The following WDSUB1 variants were observed in gnomAD, a reference collection of about 807,000 sequenced individuals.
The protein encoded by WDSUB1 is WD repeat, SAM and U-box domain-containing protein 1.
WDSUB1 carries 49 observed loss-of-function variants against 53.9 expected under a neutral mutation model. The ratio of observed to expected loss-of-function variants is 0.91; its 90% confidence interval spans 0.72 to 1.15. WDSUB1 has a LOEUF of 1.15. WDSUB1 is among the 50% of genes most tolerant of loss of function. The pLI, the probability that WDSUB1 is intolerant of heterozygous loss-of-function variation, is 0.00. For synonymous variants in WDSUB1, 194 were observed against 200.6 expected (o/e 0.97, Z 0.28); for missense variants, 514 against 562.0 (o/e 0.91, Z 0.86).
chr2:159,274,800 C>T (rs1309370234), intron 4 of WDSUB1, among the ~76,000 whole-genome samples: 2 of 152,124 alleles, frequency 1.3e-5, no homozygotes, highest in Non-Finnish European at 2.9e-5. Flanking sequence ...GACTCAACTG[C>T]AAACAAAGAT....
At chr2:159,238,274 A>G (rs2060541297) in intron 10 of WDSUB1, among the ~76,000 whole-genome samples, 1 of 37,134 alleles carries the variant, frequency 2.7e-5, no homozygotes, top group East Asian at 3.7e-4. Flanking sequence ...TCCCAATTCT[A>G]TCAAGGAATT....
At chr2:159,254,709 C>T (rs534840915) in intron 9 of WDSUB1, among the ~76,000 whole-genome samples, 16 of 152,180 alleles carry the variant, frequency 1.1e-4, no homozygotes, top group African/African-American at 3.1e-4. Context: ...TGATAAGGTA[C>T]CCTTAAGATT....
chr2:159,267,275 C>T (rs2061364131), intron 5 of WDSUB1, among the ~76,000 whole-genome samples: 1 of 150,916 alleles, frequency 6.6e-6, no homozygotes. Context: ...CCATACACAC[C>T]TTCATTAGTA....
rs1292015727 is a variant in WDSUB1 at position 159,258,048 on chromosome 2, T to C, written c.805-63A>G. ...TAAGAGTAAAGTTACTGATGAAGAC[T>C]CATTTGACATAAATGGGTTGTATAC... On this transcript the variant is annotated intron_variant, in intron 6 of 10. Transcript: ENST00000359774. 2.8e-6 allele frequency: 4 copies of C among 1,425,340 alleles called. No individual in the cohort carries two copies. The East Asian group carries it at 9.1e-5, about 32-fold the overall frequency. 88.3% of individuals were successfully genotyped at this position (1,425,340 alleles called of 1,614,324 possible). A position where few individuals can be genotyped will look rare whatever the true frequency, so the allele number is the denominator to read the frequency against.
At chr2:159,248,324 C>T in intron 10 of WDSUB1, 48 bp downstream of exon 10, 3 of 1,584,758 alleles carry the variant, frequency 1.9e-6, no homozygotes, top group Non-Finnish European at 2.6e-6. Context: ...ACTTTTTATT[C>T]ATTTAGCACA....
At chr2:159,263,248 A>G (rs181710108) in intron 5 of WDSUB1, among the ~76,000 whole-genome samples, 334 of 152,364 alleles carry the variant, frequency 2.2e-3, no homozygotes, top group Middle Eastern at 0.01. Context: ...TTATTTCCTG[A>G]GCCCAAGTAT....
rs2060852594 is a variant in WDSUB1, at chr2:159,247,930, T to TATATATATATATATAA, written c.1273+441_1273+442insTTATATATATATATAT. Among the ~76,000 whole-genome samples, 232 of 63,008 alleles carry TATATATATATATATAA rather than the reference T, an allele frequency of 3.7e-3. 10 individuals are homozygous for TATATATATATATATAA. The highest frequency in any genetic ancestry group is 5.9e-3 in the South Asian group (10 of 1,698). 41.3% of individuals were successfully genotyped at this position (63,008 alleles called of 152,430 possible). ...ATATAAATATATATATATATATAAA[T>TATATATATATATATAA]ATATATATATATAAAATTTGGATTC... On this transcript the variant is annotated intron_variant, in intron 10 of 10. Transcript: ENST00000359774.
Position 159,240,849 on chromosome 2 carries a change from T to TA in WDSUB1, c.1274-4660dup, listed in dbSNP as rs35973033. Among the ~76,000 whole-genome samples the TA allele has an allele frequency of 9.9e-5, 15 of 152,062 alleles. 1 individual carries two copies. The highest frequency in any genetic ancestry group is 4.6e-4 in the Admixed American group (7 of 15,270). On this transcript the variant is annotated intron_variant, in intron 10 of 10. Coordinates refer to ENST00000359774, the MANE Select transcript of WDSUB1 (RefSeq NM_001128212.3). ...AGGACAACTATAGTAACTGAAATTTTAAAAAAATCTCATTGGACAGGTAAA... is the reference window on the plus strand; with the variant it reads ...AGGACAACTATAGTAACTGAAATTTTAAAAAAAATCTCATTGGACAGGTAAA...
At chr2:159,277,070 AT>A (rs1378175078) in intron 3 of WDSUB1, among the ~76,000 whole-genome samples, 1 of 152,198 alleles carries the variant, frequency 6.6e-6, no homozygotes, top group Non-Finnish European at 1.5e-5. Context: ...AGTATATAAA[AT>A]TTAACAAACG....
At chr2:159,283,793 G>A (rs1277392836) in intron 1 of WDSUB1, among the ~76,000 whole-genome samples, 1 of 152,130 alleles carries the variant, frequency 6.6e-6, no homozygotes, top group African/African-American at 2.4e-5. Flanking sequence ...CTCGGCCCTG[G>A]GGGTTGGGGA....
rs2060846247 is a variant in WDSUB1 at position 159,247,910 on chromosome 2, A to ATATAAATATATATATATAT, written c.1273+461_1273+462insATATATATATATATTTATA. 2.4e-3 allele frequency among the ~76,000 whole-genome samples: 42 copies of ATATAAATATATATATATAT among 17,666 alleles called. 1 individual carries two copies. The highest frequency in any genetic ancestry group is 5.1e-3 in the Non-Finnish European group (38 of 7,504). 11.6% of individuals were successfully genotyped at this position (17,666 alleles called of 152,430 possible). A position where few individuals can be genotyped will look rare whatever the true frequency, so the allele number is the denominator to read the frequency against. On this transcript the variant is annotated intron_variant, in intron 10 of 10. Coordinates refer to ENST00000359774, the MANE Select transcript of WDSUB1 (RefSeq NM_001128212.3). ...AAATATATATATATATATATATATA[A>ATATAAATATATATATATAT]ATATATATATATATATAAATATATA...
intron 2 of WDSUB1, among the ~76,000 whole-genome samples, chr2:159,280,708 A>AAAAC (rs111752652): frequency 2.2e-5 from 3 of 134,380 alleles, no homozygotes; most frequent in Non-Finnish European, 4.6e-5. Context: ...AAAAAAAAAA[A>AAAAC]ATTACCCAGA....
At chr2:159,244,846 C>T (rs2060752225) in intron 10 of WDSUB1, among the ~76,000 whole-genome samples, 1 of 152,122 alleles carries the variant, frequency 6.6e-6, no homozygotes. Context: ...AGAAGGATTG[C>T]TTGAGCCCAG....
intron 9 of WDSUB1, among the ~76,000 whole-genome samples, chr2:159,251,948 T>A (rs2151077738): frequency 6.6e-6 from 1 of 152,182 alleles, no homozygotes; most frequent in East Asian, 1.9e-4. Flanking sequence ...CTCTCCCAAC[T>A]TTGTCCTGTA....
At chr2:159,284,568 C>T (rs914991803) in intron 1 of WDSUB1, among the ~76,000 whole-genome samples, 2 of 152,106 alleles carry the variant, frequency 1.3e-5, no homozygotes, top group Non-Finnish European at 2.9e-5. Flanking sequence ...CATGGTTTGT[C>T]ATCCTGTCTG....
intron 10 of WDSUB1, among the ~76,000 whole-genome samples, chr2:159,242,105 C>T (rs1368341487): frequency 6.8e-6 from 1 of 146,780 alleles, no homozygotes; most frequent in African/African-American, 2.7e-5. Context: ...GGCTGGAGTG[C>T]AGTGGCACGA....
At chr2:159,280,366 G>A (rs1224014115) in intron 2 of WDSUB1, among the ~76,000 whole-genome samples, 1 of 152,146 alleles carries the variant, frequency 6.6e-6, no homozygotes, top group African/African-American at 2.4e-5. Flanking sequence ...TGTTATTGGA[G>A]TCAAAGGTAC....
intron 6 of WDSUB1, among the ~76,000 whole-genome samples, chr2:159,258,580 A>G (rs896690336): frequency 2.0e-5 from 3 of 151,930 alleles, no homozygotes; most frequent in Non-Finnish European, 4.4e-5. Flanking sequence ...AATTGCTTGA[A>G]CCCGGGAGGC....
rs77328959 is a variant in WDSUB1, at chr2:159,253,518, A to G, written c.1132+2678T>C. On this transcript the variant is annotated intron_variant, in intron 9 of 10. Coordinates refer to ENST00000359774, the MANE Select transcript of WDSUB1 (RefSeq NM_001128212.3). The stretch of plus-strand genomic sequence containing the variant: ...TAAACTGCTCAATTCCTTAAAAATA[A>G]TTTAAATGTCAAACATAATAGATAT... 1.2e-3 allele frequency among the ~76,000 whole-genome samples: 186 copies of G among 152,324 alleles called. 3 individuals are homozygous for G. In the East Asian group the frequency reaches 0.032, roughly 26 times the overall value.
Sources: allele counts gnomAD v4.1 joint callset (sites outside exome capture counted in the v4.1 genomes callset), GRCh38; gene constraint gnomAD v4.1.1; transcripts MANE v1.5; gene names NCBI Gene and HGNC (gene_info 2026-07-23, HGNC 2026-07-21).